Variants in EIF3M observed in about 807,000 individuals in gnomAD.
EIF3M encodes eukaryotic translation initiation factor 3 subunit M.
A neutral mutation model predicts 49.7 loss-of-function variants in EIF3M; 25 were observed. That is an observed-to-expected ratio of 0.50 (90% CI 0.37 to 0.70). EIF3M has a LOEUF of 0.70. EIF3M is among the 30% of genes least tolerant of loss of function. EIF3M has a pLI of 0.00. For synonymous variants in EIF3M, 156 were observed against 149.8 expected, an observed-to-expected ratio of 1.04 and a Z score of -0.30; for missense variants, 350 against 440.0, an observed-to-expected ratio of 0.80 and a Z score of 1.83.
Position 32,605,035 on chromosome 11 carries a change from G to A in EIF3M, c.*2636G>A, listed in dbSNP as rs1035010646. 2.0e-5 allele frequency: 3 copies of A among 152,008 alleles called. No homozygotes were observed. The highest frequency in any genetic ancestry group is 7.3e-5 in the African/African-American group (3 of 41,350). 9.4% of individuals were successfully genotyped at this position (152,008 alleles called of 1,614,324 possible). On this transcript the variant is annotated 3_prime_UTR_variant, in exon 11 of 11. Coordinates refer to ENST00000531120, the MANE Select transcript of EIF3M (RefSeq NM_006360.6). ...GCCCAGCTAATTTTTTGTATTTTTA[G>A]TAGAGACAGGGTTTCACTATGTTGT...
intron 8 of EIF3M, among the ~76,000 whole-genome samples, chr11:32,597,225 T>A (rs1855194147): frequency 6.6e-6 from 1 of 152,266 alleles, no homozygotes; most frequent in Non-Finnish European, 1.5e-5. Flanking sequence ...AACATTATTC[T>A]TAAAATAATA....
chr11:32,599,345 C>G (rs1235291851), intron 8 of EIF3M, among the ~76,000 whole-genome samples: 1 of 151,948 alleles, frequency 6.6e-6, no homozygotes, highest in African/African-American at 2.4e-5. Flanking sequence ...AGCAATACTT[C>G]CTTGTATACC....
intron 5 of EIF3M, among the ~76,000 whole-genome samples, chr11:32,591,325 ATGAG>A (rs893220278): frequency 2.0e-5 from 3 of 152,230 alleles, no homozygotes. Context: ...AAGATAACTA[ATGAG>A]TAAGATGTGG....
chr11:32,594,924 C>T lies in EIF3M; in HGVS notation c.628C>T (p.Arg210Ter), dbSNP rs1318539532. ...ARVDAHRCIV[R>*]ALKDPNAFLF... ...TGTTCTCTAATTAAGGTGTATTGTA[C>T]GAGCATTGAAAGATCCAAATGCATT... is the stretch of plus-strand genomic sequence containing the variant. Residue 210 changes from arginine to a stop codon, truncating the protein, a stop_gained, in exon 7 of 11, where the codon CGA becomes TGA. Coordinates refer to ENST00000531120, the MANE Select transcript of EIF3M (RefSeq NM_006360.6). LOFTEE classifies it high-confidence loss of function. The T allele has an allele frequency of 4.3e-6, 7 of 1,612,630 alleles. No homozygotes were observed. Among genetic ancestry groups the T allele is most frequent in the Admixed American group, 3.3e-5 (2 of 59,798 alleles).
intron 8 of EIF3M, 59 bp downstream of exon 8, chr11:32,596,106 T>G: frequency 7.9e-7 from 1 of 1,268,516 alleles, no homozygotes; most frequent in East Asian, 2.7e-5. Flanking sequence ...CACTAACAGT[T>G]ATGTACTATG....
chr11:32,584,502 C>G (rs1421063725), intron 1 of EIF3M, among the ~76,000 whole-genome samples: 2 of 149,264 alleles, frequency 1.3e-5, no homozygotes, highest in Admixed American at 1.4e-4. Flanking sequence ...CAGCTACTGC[C>G]GAGGCTGAGG....
chr11:32,591,259 A>G (rs1360185710), intron 5 of EIF3M, among the ~76,000 whole-genome samples: 1 of 152,246 alleles, frequency 6.6e-6, no homozygotes, highest in Non-Finnish European at 1.5e-5. Context: ...AGGTTGAAGT[A>G]TACTGTAGTT....
At chr11:32,595,894 A>T (rs139574814) in intron 7 of EIF3M, 72 bp from the exon 8 acceptor site, 4 of 1,097,272 alleles carry the variant, frequency 3.6e-6, no homozygotes, top group Non-Finnish European at 5.2e-6. Context: ...AATATTTACA[A>T]TATCTTAGAA....
chr11:32,588,522 G>A, intron 2 of EIF3M, 72 bp from the exon 3 acceptor site: 6 of 1,530,492 alleles, frequency 3.9e-6, no homozygotes, highest in Non-Finnish European at 5.3e-6. Flanking sequence ...TAAAACACTG[G>A]AAATGCATAT....
rs546680975 is a variant in EIF3M, at chr11:32,592,375, T to C, written c.534-1491T>C. On this transcript the variant is annotated intron_variant, in intron 5 of 10. Transcript: ENST00000531120. ...ACTCTGCCAGTCCTCCTGTAACTTC[T>C]GTGGTTTCAATCTTGCGATACTTTT... 82 of 553,826 alleles carry C rather than the reference T, an allele frequency of 1.5e-4. 1 individual carries two copies. Among genetic ancestry groups the C allele is most frequent in the Non-Finnish European group, 3.5e-6 (1 of 289,228 alleles). 34.3% of individuals were successfully genotyped at this position (553,826 alleles called of 1,614,324 possible). A position where few individuals can be genotyped will look rare whatever the true frequency, so the allele number is the denominator to read the frequency against.
chr11:32,596,428 T>C (rs990922674), intron 8 of EIF3M, among the ~76,000 whole-genome samples: 7 of 151,866 alleles, frequency 4.6e-5, no homozygotes, highest in African/African-American at 1.7e-4. Flanking sequence ...ACCCTGTCTC[T>C]ACTAAAAATA....
At chr11:32,594,189 T>C (rs1331349422) in intron 6 of EIF3M, 2 of 320,830 alleles carry the variant, frequency 6.2e-6, no homozygotes, top group Admixed American at 9.9e-5. Context: ...ATTGCTGGTA[T>C]GGGGATGATG....
At chr11:32,592,197 C>T (rs1244471350) in intron 5 of EIF3M, 1 of 367,948 alleles carries the variant, frequency 2.7e-6, no homozygotes, top group African/African-American at 2.1e-5. Context: ...TCCTCCACAA[C>T]CCATAAAGTT....
In EIF3M at chr11:32,599,265, G is replaced by T. The variant is rs148227297; in HGVS notation, c.800-1424G>T. ...CAGAAAGTTAATCGGCATCTAATTTGCATTGTTAATTAGGGTTAATGTGCA... is the reference window on the plus strand; with the variant it reads ...CAGAAAGTTAATCGGCATCTAATTTTCATTGTTAATTAGGGTTAATGTGCA... On this transcript the variant is annotated intron_variant, in intron 8 of 10. Transcript: ENST00000531120. Among the ~76,000 whole-genome samples the T allele has an allele frequency of 2.3e-3, 353 of 152,060 alleles. 2 individuals carry two copies. Among genetic ancestry groups the T allele is most frequent in the African/African-American group, 8.2e-3 (342 of 41,524 alleles).
At position 32,590,964 on chromosome 11, in the gene EIF3M, C is replaced by G. The variant is rs367629144; in HGVS notation, c.533+1323C>G. ...CTCCCGGGTTCATGCCATTCTCCTG[C>G]CTCAGCCTCCTGAGCAGCTGGGACC... On this transcript the variant is annotated intron_variant, in intron 5 of 10. Transcript: ENST00000531120. Among the ~76,000 whole-genome samples, 53 of 152,196 alleles carry G rather than the reference C, an allele frequency of 3.5e-4. No individual in the cohort carries two copies. The East Asian group carries it at 9.1e-3, about 26-fold the overall frequency.
rs1220370452 is a variant in EIF3M, at chr11:32,605,425, G to T, written c.*3026G>T. 1 of 152,120 alleles carries T rather than the reference G, an allele frequency of 6.6e-6. No homozygotes were observed. The highest frequency in any genetic ancestry group is 1.5e-5 in the Non-Finnish European group (1 of 68,022). The allele number at this position is 152,120 out of a possible 1,614,324, so 9.4% of individuals were successfully genotyped here. A position where few individuals can be genotyped will look rare whatever the true frequency, so the allele number is the denominator to read the frequency against. ...AGTCATTTAATTTTTCTGGGCTTCA[G>T]TTTACTCATTAGCTTCTTTTAGTTC... On this transcript the variant is annotated 3_prime_UTR_variant, in exon 11 of 11. Coordinates refer to ENST00000531120, the MANE Select transcript of EIF3M (RefSeq NM_006360.6).
chr11:32,588,714 C>T lies in EIF3M; in HGVS notation c.296C>T (p.Pro99Leu), dbSNP rs764338329. 6 of 1,614,136 alleles carry T rather than the reference C, an allele frequency of 3.7e-6. No homozygotes were observed. Among genetic ancestry groups the T allele is most frequent in the South Asian group, 1.1e-5 (1 of 91,074 alleles). The stretch of plus-strand genomic sequence containing the variant: ...GTCAAATTTCGCGAAGGTGAACGCC[C>T]GTCTCTGAGACTGCAGTTGTAAGTT... ...KLVKFREGER[P>L]SLRLQLLSNL... Residue 99 changes from proline (P) to leucine (L), a missense_variant, in exon 3 of 11, where the codon CCG becomes CTG. Pro to Leu is a moderately conservative substitution (Grantham distance 98, BLOSUM62 -3). Transcript: ENST00000531120.
Position 32,604,900 on chromosome 11 carries a change from T to G in EIF3M, c.*2501T>G, listed in dbSNP as rs1256166570. ...CAGAGTCTTGCACTGTCGCCCAGGC[T>G]GGAGTGCAGTGGCGCCATCTCAGCT... On this transcript the variant is annotated 3_prime_UTR_variant, in exon 11 of 11. Coordinates refer to ENST00000531120, the MANE Select transcript of EIF3M (RefSeq NM_006360.6). 6.6e-6 allele frequency: 1 copy of G among 152,256 alleles called. No individual in the cohort carries two copies. The highest frequency in any genetic ancestry group is 1.5e-5 in the Non-Finnish European group (1 of 68,076). The allele number at this position is 152,256 out of a possible 1,614,324, so 9.4% of individuals were successfully genotyped here. A position where few individuals can be genotyped will look rare whatever the true frequency, so the allele number is the denominator to read the frequency against.
In EIF3M at chr11:32,604,573, G is replaced by T. The variant is rs946976842; in HGVS notation, c.*2174G>T. 6.6e-6 allele frequency: 1 copy of T among 151,992 alleles called. No homozygotes were observed. Among genetic ancestry groups the T allele is most frequent in the East Asian group, 1.9e-4 (1 of 5,180 alleles). 9.4% of individuals were successfully genotyped at this position (151,992 alleles called of 1,614,324 possible). On this transcript the variant is annotated 3_prime_UTR_variant, in exon 11 of 11. Coordinates refer to ENST00000531120, the MANE Select transcript of EIF3M (RefSeq NM_006360.6). ...AAATACTGGGGTCATATTTTTATTG[G>T]TTTATATGCTATGTTAAACATTTTT...
Sources: allele counts gnomAD v4.1 joint callset (sites outside exome capture counted in the v4.1 genomes callset), GRCh38; gene constraint gnomAD v4.1.1; transcripts MANE v1.5; gene names NCBI Gene and HGNC (gene_info 2026-07-23, HGNC 2026-07-21).